GRID1: variants seen among roughly 807,000 people sequenced by gnomAD.
GRID1 encodes the protein glutamate receptor ionotropic, delta-1.
A neutral mutation model predicts 98.0 loss-of-function variants in GRID1; 28 were observed. The ratio of observed to expected loss-of-function variants is 0.29; its 90% CI spans 0.21 to 0.39. The LOEUF (loss-of-function observed/expected upper bound fraction) is 0.39. Ranked by LOEUF, GRID1 falls within the 10% of genes least tolerant of loss-of-function variation. The pLI is 1.00. For missense variants in GRID1, 1,111 were observed against 1,340.5 expected, an observed-to-expected ratio of 0.83 and a Z score of 2.67; for synonymous variants, 553 against 538.5, an observed-to-expected ratio of 1.03 and a Z score of -0.37.
chr10:86,275,549 A>G (rs528130945), intron 2 of GRID1, among the ~76,000 whole-genome samples: 1 of 152,294 alleles, frequency 6.6e-6, no homozygotes, highest in Non-Finnish European at 1.5e-5. Flanking sequence ...TTATACATAA[A>G]CAAAATGAGA....
intron 5 of GRID1, among the ~76,000 whole-genome samples, chr10:85,876,066 G>C (rs1843326761): frequency 6.6e-6 from 1 of 152,180 alleles, no homozygotes; most frequent in Admixed American, 6.5e-5. Flanking sequence ...TTTTCTCTTA[G>C]ACATGGAAAG....
chr10:85,996,822 T>A (rs902097347), intron 4 of GRID1, among the ~76,000 whole-genome samples: 2 of 126,524 alleles, frequency 1.6e-5, no homozygotes. Context: ...AAAGCGAAAC[T>A]CCATCTCAAA....
intron 3 of GRID1, among the ~76,000 whole-genome samples, chr10:86,188,313 C>T (rs1845753821): frequency 6.6e-6 from 1 of 152,250 alleles, no homozygotes; most frequent in Admixed American, 6.5e-5. Context: ...GATGCCATCC[C>T]CATGCCAACA....
chr10:85,740,551 A>G (rs770200309), intron 8 of GRID1, among the ~76,000 whole-genome samples: 1 of 152,058 alleles, frequency 6.6e-6, no homozygotes, highest in Non-Finnish European at 1.5e-5. Flanking sequence ...TCTCTGGAAC[A>G]TCGTTCCCTT....
intron 12 of GRID1, among the ~76,000 whole-genome samples, chr10:85,706,853 T>C (rs371353670): frequency 6.9e-4 from 105 of 152,184 alleles, no homozygotes; most frequent in African/African-American, 2.2e-3. Flanking sequence ...CAAAAACAAG[T>C]AATGGGGAAA....
intron 4 of GRID1, among the ~76,000 whole-genome samples, chr10:86,128,450 C>A (rs1363140424): frequency 6.6e-6 from 1 of 152,202 alleles, no homozygotes; most frequent in Non-Finnish European, 1.5e-5. Flanking sequence ...TTCCCCCAGG[C>A]TCCATGACTC....
chr10:86,234,293 G>A (rs953966761), intron 2 of GRID1, among the ~76,000 whole-genome samples: 24 of 152,152 alleles, frequency 1.6e-4, no homozygotes, highest in African/African-American at 5.8e-4. Context: ...CAAACATCGG[G>A]CACGTCTGCC....
At position 85,795,922 on chromosome 10, in the gene GRID1, A is replaced by G. The variant is rs142475056; in HGVS notation, c.1233+58574T>C. On this transcript the variant is annotated intron_variant, in intron 8 of 15. Transcript: ENST00000327946. ...GAAGGAAGAAAACAGACTGAGATGG[A>G]GAGTCACAGGAAGAGACAGAAAAAA... Among the ~76,000 whole-genome samples the G allele has an allele frequency of 3.8e-4, 58 of 152,366 alleles. 1 individual carries two copies. The Middle Eastern group carries it at 0.017, about 45-fold the overall frequency.
chr10:86,199,632 C>G (rs1352768391), intron 3 of GRID1, among the ~76,000 whole-genome samples: 1 of 152,260 alleles, frequency 6.6e-6, no homozygotes, highest in East Asian at 1.9e-4. Flanking sequence ...GGCAGCTCCA[C>G]GCTCTTTCAG....
chr10:85,933,076 A>T (rs941562633), intron 4 of GRID1, among the ~76,000 whole-genome samples: 2 of 152,176 alleles, frequency 1.3e-5, no homozygotes, highest in Non-Finnish European at 1.5e-5. Flanking sequence ...CCTCATGTAT[A>T]GATTAATGTC....
intron 13 of GRID1, among the ~76,000 whole-genome samples, chr10:85,643,708 G>A (rs1157491110): frequency 6.6e-6 from 1 of 151,984 alleles, no homozygotes; most frequent in African/African-American, 2.4e-5. Context: ...CATTTGTCTA[G>A]TGCTGGCAGT....
intron 2 of GRID1, among the ~76,000 whole-genome samples, chr10:86,287,573 G>A (rs1847450128): frequency 6.6e-6 from 1 of 152,144 alleles, no homozygotes; most frequent in Non-Finnish European, 1.5e-5. Flanking sequence ...GCCACGTTGG[G>A]TCCTTACTTC....
At chr10:86,254,807 A>G (rs541392555) in intron 2 of GRID1, among the ~76,000 whole-genome samples, 1 of 152,360 alleles carries the variant, frequency 6.6e-6, no homozygotes, top group Non-Finnish European at 1.5e-5. Context: ...AGGAGACAAG[A>G]GTTCCTGCAA....
intron 2 of GRID1, among the ~76,000 whole-genome samples, chr10:86,252,342 T>C (rs1462059852): frequency 1.3e-5 from 2 of 152,190 alleles, no homozygotes; most frequent in Non-Finnish European, 2.9e-5. Context: ...TCACCTTCGT[T>C]GTGGGCCTCC....
At chr10:85,811,208 C>T (rs903811229) in intron 8 of GRID1, among the ~76,000 whole-genome samples, 2 of 152,118 alleles carry the variant, frequency 1.3e-5, no homozygotes, top group African/African-American at 2.4e-5. Context: ...CCCAGCCAAT[C>T]GACATATAAA....
intron 3 of GRID1, among the ~76,000 whole-genome samples, chr10:86,175,125 A>G (rs1325181074): frequency 1.3e-5 from 2 of 152,198 alleles, no homozygotes; most frequent in Non-Finnish European, 2.9e-5. Flanking sequence ...AATCATTGAA[A>G]GTTCTATAAA....
chr10:85,939,217 C>T (rs1017873806), intron 4 of GRID1, among the ~76,000 whole-genome samples: 3 of 152,154 alleles, frequency 2.0e-5, no homozygotes, highest in Non-Finnish European at 4.4e-5. Context: ...TCTATGCTTC[C>T]CCACCTCTCC....
intron 4 of GRID1, among the ~76,000 whole-genome samples, chr10:86,135,480 G>A (rs1844910414): frequency 6.6e-6 from 1 of 151,840 alleles, no homozygotes; most frequent in Non-Finnish European, 1.5e-5. Context: ...CATCCTCCCT[G>A]AGGGGAGCCT....
intron 8 of GRID1, among the ~76,000 whole-genome samples, chr10:85,772,891 G>T (rs1469470010): frequency 6.6e-6 from 1 of 152,072 alleles, no homozygotes; most frequent in East Asian, 1.9e-4. Flanking sequence ...TTCTACCACA[G>T]GTACAGGGAG....
Sources: allele counts gnomAD v4.1 joint callset (sites outside exome capture counted in the v4.1 genomes callset), GRCh38; gene constraint gnomAD v4.1.1; transcripts MANE v1.5; gene names NCBI Gene and HGNC (gene_info 2026-07-23, HGNC 2026-07-21).